The following HKDC1 variants were observed in gnomAD, a reference collection of about 807,000 sequenced individuals.
The protein encoded by HKDC1 is hexokinase domain containing 1.
A neutral mutation model predicts 96.6 loss-of-function variants in HKDC1; 66 were observed. The ratio of observed to expected loss-of-function variants is 0.68; its 90% CI spans 0.56 to 0.84. The LOEUF is 0.84. HKDC1 is among the 40% of genes least tolerant of loss of function. HKDC1 has a pLI of 0.00. For synonymous variants in HKDC1, 466 were observed against 473.1 expected, an observed-to-expected ratio of 0.98 and a Z score of 0.20; for missense variants, 1,211 against 1,208.1, an observed-to-expected ratio of 1.00 and a Z score of -0.04.
chr10:69,243,480 C>G, intron 7 of HKDC1, 115 bp downstream of exon 7: 1 of 748,660 alleles, frequency 1.3e-6, no homozygotes, highest in Non-Finnish European at 2.0e-6. Flanking sequence ...TCACAACTTT[C>G]TTTCTTTTTT....
At chr10:69,261,386 C>G (rs577927261) in intron 16 of HKDC1, 92 bp downstream of exon 16, 1 of 1,254,906 alleles carries the variant, frequency 8.0e-7, no homozygotes, top group South Asian at 1.3e-5. Flanking sequence ...AAAATAAAAA[C>G]AGAAAGGCCC....
chr10:69,250,058 C>A (rs566700735), intron 10 of HKDC1, among the ~76,000 whole-genome samples: 6 of 152,310 alleles, frequency 3.9e-5, no homozygotes, highest in Admixed American at 2.0e-4. Flanking sequence ...GTAGGTGGTG[C>A]CTGGGACTTT....
At chr10:69,252,576 C>A (rs1267393031) in intron 12 of HKDC1, among the ~76,000 whole-genome samples, 1 of 145,110 alleles carries the variant, frequency 6.9e-6, no homozygotes, top group Non-Finnish European at 1.5e-5. Flanking sequence ...ACCCAGGAGG[C>A]GGAGCTTGCA....
At chr10:69,259,879 C>T (rs1432947683) in intron 15 of HKDC1, among the ~76,000 whole-genome samples, 1 of 152,182 alleles carries the variant, frequency 6.6e-6, no homozygotes, top group Admixed American at 6.5e-5. Flanking sequence ...CAGCAGGCCC[C>T]TCCTCCAATA....
Position 69,266,887 on chromosome 10 carries a change from A to G in HKDC1, c.*130A>G. On this transcript the variant is annotated 3_prime_UTR_variant, in exon 18 of 18. Coordinates refer to ENST00000354624, the MANE Select transcript of HKDC1 (RefSeq NM_025130.4). ...TTCTGGATGGCCGAAAGAGAACCCC[A>G]GGTTCTCGGGTACTCTTAGTATCTT... 1.2e-6 allele frequency: 1 copy of G among 816,894 alleles called. No individual in the cohort carries two copies. Among genetic ancestry groups the G allele is most frequent in the Non-Finnish European group, 1.9e-6 (1 of 517,544 alleles). The allele number at this position is 816,894 out of a possible 1,614,324, so 50.6% of individuals were successfully genotyped here.
chr10:69,251,092 T>TC (rs1157048425), intron 12 of HKDC1, among the ~76,000 whole-genome samples: 2 of 83,770 alleles, frequency 2.4e-5, no homozygotes, highest in Non-Finnish European at 6.0e-5. Flanking sequence ...CATTTCTTTT[T>TC]TTTTTTTTTT....
intron 2 of HKDC1, chr10:69,232,284 C>A: frequency 5.9e-6 from 1 of 169,828 alleles, no homozygotes. Flanking sequence ...CCTCTCCCCT[C>A]CAGGAGTGTT....
At chr10:69,231,393 A>G (rs1843257410) in intron 2 of HKDC1, among the ~76,000 whole-genome samples, 1 of 151,948 alleles carries the variant, frequency 6.6e-6, no homozygotes, top group African/African-American at 2.4e-5. Context: ...TTCCAACCTC[A>G]TTTCTGTGAC....
At chr10:69,240,811 T>C (rs1843445931) in intron 6 of HKDC1, 60 bp downstream of exon 6, 1 of 1,297,930 alleles carries the variant, frequency 7.7e-7, no homozygotes, top group African/African-American at 1.4e-5. Context: ...GGGAGTTTCA[T>C]TTCAGCGAGC....
rs775828001 is a variant in HKDC1, at chr10:69,250,656, A to C, written c.1836+4A>C. 6 of 1,613,236 alleles carry C rather than the reference A, an allele frequency of 3.7e-6. No individual in the cohort carries two copies. The Admixed American group carries it at 8.3e-5, about 22-fold the overall frequency. ...CAGGCAGATGAGCATTGACAAGGTA[A>C]GATAGCCCCACCAGGCTCACGGCCA... On this transcript the variant is annotated splice_donor_region_variant and intron_variant, in intron 12 of 17. Coordinates refer to ENST00000354624, the MANE Select transcript of HKDC1 (RefSeq NM_025130.4).
chr10:69,267,499 G>A lies in HKDC1; in HGVS notation c.*742G>A, dbSNP rs975417406. 1 of 455,428 alleles carries A rather than the reference G, an allele frequency of 2.2e-6. No individual in the cohort carries two copies. Among genetic ancestry groups the A allele is most frequent in the Non-Finnish European group, 4.4e-6 (1 of 226,782 alleles). 28.2% of individuals were successfully genotyped at this position (455,428 alleles called of 1,614,324 possible). A position where few individuals can be genotyped will look rare whatever the true frequency, so the allele number is the denominator to read the frequency against. On this transcript the variant is annotated 3_prime_UTR_variant, in exon 18 of 18. Coordinates refer to ENST00000354624, the MANE Select transcript of HKDC1 (RefSeq NM_025130.4). ...GGTGTTGATAGTTGTTTTAAGGATT[G>A]TTAGGTATAGGAAATCCAGTAAATT...
At chr10:69,235,749 G>A (rs1843350667) in intron 4 of HKDC1, among the ~76,000 whole-genome samples, 1 of 152,108 alleles carries the variant, frequency 6.6e-6, no homozygotes, top group Admixed American at 6.5e-5. Flanking sequence ...GGCAGCGGAG[G>A]GTGTGAACGG....
At position 69,250,359 on chromosome 10, in the gene HKDC1, G is replaced by A. The variant is rs1345864786; in HGVS notation, c.1640G>A (p.Ser547Asn). The A allele has an allele frequency of 6.2e-7, 1 of 1,614,160 alleles. No individual in the cohort carries two copies. The highest frequency in any genetic ancestry group is 1.3e-5 in the African/African-American group (1 of 75,054). Residue 547 changes from serine (S) to asparagine (N), a missense_variant, in exon 11 of 18, where the codon AGT (serine) becomes AAT (asparagine). Transcript: ENST00000354624. The stretch of plus-strand genomic sequence containing the variant: ...CGGGTCCTCCTGGTGAAGATCAGAA[G>A]TGGACGGAGGTCAGTGCGAATGTAC... ...NFRVLLVKIR[S>N]GRRSVRMYNK...
intron 1 of HKDC1, among the ~76,000 whole-genome samples, chr10:69,224,320 G>A (rs112989366): frequency 0.16 from 23,822 of 152,088 alleles, 2,532 homozygotes; most frequent in Non-Finnish European, 0.23. Context: ...ATCTCGCTCT[G>A]TCACCCAGGC....
In HKDC1 at chr10:69,250,383, A is replaced by G; in HGVS notation, c.1664A>G (p.Tyr555Cys). The change falls in exon 11 of 18, where the codon TAC (tyrosine) becomes TGC (cysteine). Residue 555 changes from tyrosine to cysteine, a missense_variant. Physicochemically the swap from Tyr to Cys is radical, Grantham distance 194 (BLOSUM62 -2). Transcript: ENST00000354624. The stretch of plus-strand genomic sequence containing the variant: ...AGTGGACGGAGGTCAGTGCGAATGT[A>G]CAACAAGATCTTCGCCATCCCCCTG... ...IRSGRRSVRM[Y>C]NKIFAIPLEI... 1 of 1,614,094 alleles carries G rather than the reference A, an allele frequency of 6.2e-7. No individual in the cohort carries two copies. Among genetic ancestry groups the G allele is most frequent in the Non-Finnish European group, 8.5e-7 (1 of 1,179,952 alleles).
intron 15 of HKDC1, 47 bp downstream of exon 15, chr10:69,259,006 A>T (rs1021979691): frequency 5.0e-6 from 7 of 1,400,666 alleles, no homozygotes; most frequent in Non-Finnish European, 6.6e-6. Context: ...GTAGTGAACA[A>T]CACTACCAGA....
At chr10:69,251,116 CAG>C (rs1843637220) in intron 12 of HKDC1, among the ~76,000 whole-genome samples, 1 of 96,170 alleles carries the variant, frequency 1.0e-5, no homozygotes, top group African/African-American at 3.9e-5. Context: ...TTTTTTGAGA[CAG>C]AGTTTTGCTC....
At position 69,266,667 on chromosome 10, in the gene HKDC1, A is replaced by C. The variant is rs144788397; in HGVS notation, c.2664A>C (p.Thr888=). 123 of 1,614,102 alleles carry C rather than the reference A, an allele frequency of 7.6e-5. No individual in the cohort carries two copies. Among genetic ancestry groups the C allele is most frequent in the Non-Finnish European group, 9.9e-5 (117 of 1,180,038 alleles). The part of the protein sequence containing the change: ...VKELAPRCDV[T]FMLSEDGSGK... ...AACTAGCCCCTCGATGTGATGTGACATTCATGCTGTCAGAAGATGGCAGTG... is the reference window on the plus strand; with the variant it reads ...AACTAGCCCCTCGATGTGATGTGACCTTCATGCTGTCAGAAGATGGCAGTG... Residue 888 remains threonine (T), a synonymous_variant, in exon 18 of 18, where the codon ACA becomes ACC. Coordinates refer to ENST00000354624, the MANE Select transcript of HKDC1 (RefSeq NM_025130.4).
In HKDC1 at chr10:69,248,529, C is replaced by T. The variant is rs770704263; in HGVS notation, c.1371C>T (p.Thr457=). 6.4e-5 allele frequency: 104 copies of T among 1,613,750 alleles called. No homozygotes were observed. Among genetic ancestry groups the T allele is most frequent in the Middle Eastern group, 1.6e-4 (1 of 6,082 alleles). The change falls in exon 10 of 18, where the codon ACC becomes ACT. Residue 457 remains threonine, a synonymous_variant. Coordinates refer to ENST00000354624, the MANE Select transcript of HKDC1 (RefSeq NM_025130.4). Reference sequence around the variant, plus strand: ...GCACCAAGGGGGCCGCCATGGTGACCGCGGTGGCCTCCCGCGTGCAGGCCC... The same window carrying T: ...GCACCAAGGGGGCCGCCATGGTGACTGCGGTGGCCTCCCGCGTGCAGGCCC... ...SGSTKGAAMV[T]AVASRVQAQR...
Sources: allele counts gnomAD v4.1 joint callset (sites outside exome capture counted in the v4.1 genomes callset), GRCh38; gene constraint gnomAD v4.1.1; transcripts MANE v1.5; gene names NCBI Gene and HGNC (gene_info 2026-07-23, HGNC 2026-07-21).